The following ECD variants were observed in gnomAD, a reference collection of about 807,000 sequenced individuals.
ECD encodes ecdysoneless cell cycle regulator.
In ECD, 59 loss-of-function variants were observed where a neutral mutation model predicts 77.2. That is an observed-to-expected ratio of 0.76 (90% CI 0.62 to 0.95). ECD has a LOEUF of 0.95. ECD is among the 40% of genes least tolerant of loss of function. The probability of loss-of-function intolerance (pLI) is 0.00; values close to 1 mark genes in which losing one functional copy is unlikely to be tolerated. For synonymous variants in ECD, 233 were observed against 267.4 expected (o/e 0.87, Z 1.26); for missense variants, 704 against 763.4 (o/e 0.92, Z 0.92).
chr10:73,139,901 C>A (rs2133249322), intron 9 of ECD, among the ~76,000 whole-genome samples, 164 bp from the exon 10 acceptor site: 1 of 145,702 alleles, frequency 6.9e-6, no homozygotes, highest in Non-Finnish European at 1.5e-5. Flanking sequence ...CCAGAATGGA[C>A]TCGAACTCCT....
chr10:73,142,661 G>A (rs115161566), intron 9 of ECD, among the ~76,000 whole-genome samples: 7,792 of 149,252 alleles, frequency 0.052, 642 homozygotes, highest in African/African-American at 0.17. Flanking sequence ...AAAAATTGTA[G>A]AGAAAGCTAA....
intron 6 of ECD, among the ~76,000 whole-genome samples, chr10:73,153,337 C>A (rs908555667): frequency 6.6e-6 from 1 of 152,278 alleles, no homozygotes; most frequent in African/African-American, 2.4e-5. Flanking sequence ...AAGTGATCCA[C>A]CTGCCTTGGC....
In ECD at chr10:73,148,371, T is replaced by C; in HGVS notation, c.946A>G (p.Ser316Gly). Residue 316 changes from serine (S) to glycine (G), a missense_variant, in exon 8 of 14, where the codon AGC becomes GGC. This residue lies in a region of ECD where 559 missense variants were observed against 583.7 expected (regional missense o/e 0.96). Coordinates refer to ENST00000372979, the MANE Select transcript of ECD (RefSeq NM_007265.3). The part of the protein sequence containing the change: ...HGFEILCSKC[S>G]PHFSDCKKSL... The stretch of plus-strand genomic sequence containing the variant: ...TTCTTGCAGTCAGAAAAATGTGGGC[T>C]ACATTTGGAGCATAAGATCTCAAAT... 6.2e-7 allele frequency: 1 copy of C among 1,613,998 alleles called. No homozygotes were observed. The highest frequency in any genetic ancestry group is 8.5e-7 in the Non-Finnish European group (1 of 1,179,912).
intron 6 of ECD, 99 bp downstream of exon 6, chr10:73,154,157 T>G: frequency 8.6e-7 from 1 of 1,167,468 alleles, no homozygotes; most frequent in Non-Finnish European, 1.2e-6. Context: ...AAATAATGTT[T>G]CATTCACTGA....
In ECD at chr10:73,156,259, G is replaced by C; in HGVS notation, c.590+16C>G. 1 of 1,545,920 alleles carries C rather than the reference G, an allele frequency of 6.5e-7. No homozygotes were observed. The highest frequency in any genetic ancestry group is 8.7e-7 in the Non-Finnish European group (1 of 1,152,210). On this transcript the variant is annotated intron_variant, in intron 5 of 13. Transcript: ENST00000372979. ...AAAGGTTCCTTAATTAGCAATGAAA[G>C]TGATATTTTTCTTACCCTCTGATGC...
intron 7 of ECD, among the ~76,000 whole-genome samples, chr10:73,150,499 G>T (rs1467678942): frequency 6.6e-6 from 1 of 152,124 alleles, no homozygotes; most frequent in Non-Finnish European, 1.5e-5. Flanking sequence ...AAAAGCAATG[G>T]CAACAAAAGC....
intron 11 of ECD, among the ~76,000 whole-genome samples, chr10:73,138,725 C>G (rs1230898757): frequency 2.6e-5 from 4 of 152,108 alleles, no homozygotes; most frequent in African/African-American, 9.7e-5. Context: ...CGCCACCATA[C>G]CCGGCTAATT....
In ECD at chr10:73,134,684, C is replaced by T; in HGVS notation, c.1834G>A (p.Ala612Thr). Residue 612 changes from alanine (A) to threonine (T), a missense_variant, in exon 14 of 14, where the codon GCT (alanine) becomes ACT (threonine). By Grantham distance (58) the Ala-to-Thr change is moderately conservative (BLOSUM62 0). Coordinates refer to ENST00000372979, the MANE Select transcript of ECD (RefSeq NM_007265.3). ...TTGGAAGCAGGTCCTGCCAGTCCAG[C>T]TTGGGAGCTATAGGATTCCAATATA... ...SNILESYSSQ[A>T]GLAGPASNLL... 1 of 1,614,188 alleles carries T rather than the reference C, an allele frequency of 6.2e-7. No homozygotes were observed. The highest frequency in any genetic ancestry group is 8.5e-7 in the Non-Finnish European group (1 of 1,180,028).
rs1254478699 is a variant in ECD, at chr10:73,136,718, T to C, written c.1690A>G (p.Thr564Ala). 1 of 1,613,796 alleles carries C rather than the reference T, an allele frequency of 6.2e-7. No individual in the cohort carries two copies. Among genetic ancestry groups the C allele is most frequent in the Non-Finnish European group, 8.5e-7 (1 of 1,179,868 alleles). The change falls in exon 13 of 14, where the codon ACT becomes GCT. Residue 564 changes from threonine (T) to alanine (A), a missense_variant. Physicochemically the swap from Thr to Ala is moderately conservative, Grantham distance 58 (BLOSUM62 0). Coordinates refer to ENST00000372979, the MANE Select transcript of ECD (RefSeq NM_007265.3). ...AACACACATACCACTTGGTTCCTAG[T>C]GGTGAAACTTTTGCTGATGCAGGTG... The part of the protein sequence containing the change: ...AHTCISKSFT[T>A]RNQVEPVSQT...
At chr10:73,142,280 A>T (rs749697180) in intron 9 of ECD, among the ~76,000 whole-genome samples, 11 of 151,880 alleles carry the variant, frequency 7.2e-5, no homozygotes, top group African/African-American at 9.7e-5. Context: ...AAGTGCTGGG[A>T]TTACAGGTGT....
chr10:73,162,298 A>T (rs1305589092), intron 2 of ECD, among the ~76,000 whole-genome samples: 1 of 152,256 alleles, frequency 6.6e-6, no homozygotes. Flanking sequence ...AGAAGGGGTC[A>T]TATTTTAGAA....
At chr10:73,138,585 G>A (rs1348055503) in intron 11 of ECD, among the ~76,000 whole-genome samples, 1 of 143,088 alleles carries the variant, frequency 7.0e-6, no homozygotes, top group South Asian at 2.2e-4. Context: ...TTTTTTTTTT[G>A]AGACGGAGTC....
In ECD at chr10:73,136,786, T is replaced by C. The variant is rs1181416956; in HGVS notation, c.1622A>G (p.Asn541Ser). Residue 541 changes from asparagine to serine, a missense_variant, in exon 13 of 14, where the codon AAT (asparagine) becomes AGT (serine). By Grantham distance (46) the Asn-to-Ser change is conservative. This residue lies in a region of ECD where 142 missense variants were observed against 163.6 expected (regional missense o/e 0.87). Transcript: ENST00000372979. Reference sequence around the variant, plus strand: ...CATCTGGGCCATGTATGACTTGAGATTATCAAGTGTTCCTTTCAGGGAAGC... The same window carrying C: ...CATCTGGGCCATGTATGACTTGAGACTATCAAGTGTTCCTTTCAGGGAAGC... The part of the protein sequence containing the change: ...EEASLKGTLD[N>S]LKSYMAQMDQ... 1 of 1,614,058 alleles carries C rather than the reference T, an allele frequency of 6.2e-7. No individual in the cohort carries two copies. The highest frequency in any genetic ancestry group is 1.1e-5 in the South Asian group (1 of 91,084).
intron 2 of ECD, among the ~76,000 whole-genome samples, chr10:73,161,927 CA>C (rs1835302662): frequency 6.6e-6 from 1 of 152,156 alleles, no homozygotes; most frequent in Non-Finnish European, 1.5e-5. Context: ...GAATGAAGGT[CA>C]AACAAGTGCA....
chr10:73,138,498 T>G (rs3817395), intron 11 of ECD, among the ~76,000 whole-genome samples: 23,971 of 152,198 alleles, frequency 0.16, 3,146 homozygotes, highest in African/African-American at 0.34. Context: ...TATAAATTTA[T>G]ATCTTTCATC....
chr10:73,163,673 T>C, intron 2 of ECD, 60 bp downstream of exon 2: 1 of 1,540,692 alleles, frequency 6.5e-7, no homozygotes, highest in Non-Finnish European at 8.9e-7. Context: ...CTATTACACA[T>C]CACTGTTGTC....
chr10:73,137,999 T>C lies in ECD; in HGVS notation c.1489+4A>G. 6.3e-7 allele frequency: 1 copy of C among 1,587,952 alleles called. No homozygotes were observed. Among genetic ancestry groups the C allele is most frequent in the Non-Finnish European group, 8.5e-7 (1 of 1,170,080 alleles). ...ATGAAAGTCAACATCACACCACTAC[T>C]TACCTAAAATCTTATCAAAATAATT... is the stretch of plus-strand genomic sequence containing the variant. On this transcript the variant is annotated splice_donor_region_variant and intron_variant, in intron 12 of 13. Transcript: ENST00000372979.
In ECD at chr10:73,136,866, T is replaced by A. The variant is rs887598631; in HGVS notation, c.1542A>T (p.Glu514Asp). ...DSDDLDDEDFECLDSDDDLDF... is the reference protein window; with the variant it reads ...DSDDLDDEDFDCLDSDDDLDF... Reference sequence around the variant, plus strand: ...CCAAGTCATCATCACTATCTAAACATTCAAAGTCTTCATCATCCAGATCAT... The same window carrying A: ...CCAAGTCATCATCACTATCTAAACAATCAAAGTCTTCATCATCCAGATCAT... Residue 514 changes from glutamate (E) to aspartate (D), a missense_variant, in exon 13 of 14, where the codon GAA (glutamate) becomes GAT (aspartate). By Grantham distance (45) the Glu-to-Asp change is conservative. This residue lies in a region of ECD where 142 missense variants were observed against 163.6 expected (regional missense o/e 0.87). Coordinates refer to ENST00000372979, the MANE Select transcript of ECD (RefSeq NM_007265.3). 28 of 1,613,906 alleles carry A rather than the reference T, an allele frequency of 1.7e-5. No homozygotes were observed. Among genetic ancestry groups the A allele is most frequent in the African/African-American group, 2.7e-5 (2 of 74,892 alleles).
chr10:73,156,944 T>G (rs1417840948), intron 3 of ECD, among the ~76,000 whole-genome samples: 1 of 151,604 alleles, frequency 6.6e-6, no homozygotes, highest in Non-Finnish European at 1.5e-5. Flanking sequence ...ACTATAGGGT[T>G]CCAAAAGAAA....
Sources: gnomAD v4.1 joint callset for allele counts (sites outside exome capture counted in the v4.1 genomes callset) on GRCh38, gnomAD v4.1.1 for gene constraint, gnomAD v4.1.1 regional missense constraint, MANE v1.5 for transcripts, NCBI Gene and HGNC (gene_info 2026-07-23, HGNC 2026-07-21) for gene names.